The following TENM3 variants were observed in gnomAD, a reference collection of about 807,000 sequenced individuals.
The protein encoded by TENM3 is teneurin-3.
Under a neutral mutation model 255.1 loss-of-function variants are expected in TENM3, and 63 were observed. The ratio of observed to expected loss-of-function variants is 0.25; its 90% CI spans 0.20 to 0.30. The LOEUF (loss-of-function observed/expected upper bound fraction) is 0.30, where lower values mean the gene tolerates loss of function less well. Among genes scored for constraint, TENM3 ranks in the 10% least tolerant of loss-of-function variants. The probability of loss-of-function intolerance (pLI) is 1.00; values close to 1 mark genes in which losing one functional copy is unlikely to be tolerated. For synonymous variants in TENM3, 1,306 were observed against 1,322.3 expected (o/e 0.99, Z 0.27); for missense variants, 2,929 against 3,461.1 (o/e 0.85, Z 3.86).
chr4:182,470,255 A>AAGGC (rs1434565023), intron 3 of TENM3, among the ~76,000 whole-genome samples: 28 of 152,240 alleles, frequency 1.8e-4, no homozygotes, highest in African/African-American at 6.8e-4. Context: ...TAAACAGAGA[A>AAGGC]AGGCAACCCC....
the TENM3 span, among the ~76,000 whole-genome samples, chr4:181,789,842 C>G: frequency 6.6e-6 from 1 of 152,086 alleles, no homozygotes; most frequent in Admixed American, 6.5e-5. Flanking sequence ...GGATGGCATG[C>G]CACCCCCTCC....
chr4:182,307,277 G>A (rs981295047), intron 1 of TENM3, among the ~76,000 whole-genome samples: 2 of 152,136 alleles, frequency 1.3e-5, no homozygotes, highest in Non-Finnish European at 2.9e-5. Context: ...GTCTCAGTCC[G>A]GTTCATGGGT....
At chr4:181,631,483 G>T in the TENM3 span, among the ~76,000 whole-genome samples, 1 of 152,020 alleles carries the variant, frequency 6.6e-6, no homozygotes, top group African/African-American at 2.4e-5. Context: ...GTAGAGGCAG[G>T]GTTTCACCAT....
chr4:182,248,546 G>A lies in TENM3; in HGVS notation c.-76+5070G>A, dbSNP rs188262238. ...AGATCTAGTAAGTTGGGTAATTTAA[G>A]TAGATGGTTAAATATACTCAGTACC... On this transcript the variant is annotated intron_variant, in intron 1 of 27. Transcript: ENST00000511685. Among the ~76,000 whole-genome samples, 6 of 152,314 alleles carry A rather than the reference G, an allele frequency of 3.9e-5. No homozygotes were observed. In the East Asian group the frequency reaches 9.6e-4, roughly 24 times the overall value.
chr4:181,571,758 C>T, the TENM3 span, among the ~76,000 whole-genome samples: 1 of 152,060 alleles, frequency 6.6e-6, no homozygotes, highest in Non-Finnish European at 1.5e-5. Context: ...ATCAGCTGTT[C>T]CCTCTAACAC....
intron 2 of TENM3, among the ~76,000 whole-genome samples, chr4:182,328,565 G>A (rs1006069141): frequency 5.3e-5 from 8 of 151,994 alleles, no homozygotes; most frequent in African/African-American, 1.2e-4. Flanking sequence ...ATGTTTGTAC[G>A]TTACTGAAAT....
rs1402989327 is a variant in TENM3 at position 182,324,060 on chromosome 4, A to G, written c.40A>G (p.Lys14Glu). The G allele has an allele frequency of 6.2e-7, 1 of 1,613,984 alleles. No homozygotes were observed. The highest frequency in any genetic ancestry group is 2.2e-5 in the East Asian group (1 of 44,854). The change falls in exon 2 of 28, where the codon AAG (lysine) becomes GAG (glutamate). Residue 14 changes from lysine to glutamate, a missense_variant. Coordinates refer to ENST00000511685, the MANE Select transcript of TENM3 (RefSeq NM_001080477.4). ...KERRPYCSLT[K>E]SRREKERRYT... is the part of the protein sequence containing the mutation. ...ACGCAGGCCTTACTGCTCCCTGACCAAGAGCAGACGAGAGAAGGAACGGCG... is the reference window on the plus strand; with the variant it reads ...ACGCAGGCCTTACTGCTCCCTGACCGAGAGCAGACGAGAGAAGGAACGGCG...
chr4:182,784,495 T>A (rs972109613), intron 24 of TENM3, among the ~76,000 whole-genome samples: 1 of 151,544 alleles, frequency 6.6e-6, no homozygotes, highest in African/African-American at 2.4e-5. Context: ...CAGAGGTTAC[T>A]GCTGTCTTTT....
At chr4:182,215,471 T>C (rs1272748906) in intron 1 of TENM3, among the ~76,000 whole-genome samples, 1 of 152,164 alleles carries the variant, frequency 6.6e-6, no homozygotes, top group Non-Finnish European at 1.5e-5. Context: ...AAAAGGGTAC[T>C]GTTTTCAACT....
At chr4:182,034,872 C>A in the TENM3 span, among the ~76,000 whole-genome samples, 1 of 152,050 alleles carries the variant, frequency 6.6e-6, no homozygotes, top group Non-Finnish European at 1.5e-5. Context: ...TGGGGTTGAT[C>A]TTCTCATGGA....
At chr4:181,890,682 T>C in the TENM3 span, among the ~76,000 whole-genome samples, 1 of 152,130 alleles carries the variant, frequency 6.6e-6, no homozygotes, top group Non-Finnish European at 1.5e-5. Context: ...AAGTGTCTAT[T>C]ATACAGCAAG....
chr4:182,773,687 A>G, intron 23 of TENM3, 40 bp downstream of exon 23: 3 of 1,572,212 alleles, frequency 1.9e-6, no homozygotes, highest in Non-Finnish European at 1.7e-6. Context: ...TACCACCAGC[A>G]CCCAGACAGA....
the TENM3 span, among the ~76,000 whole-genome samples, chr4:182,034,640 G>A: frequency 3.3e-5 from 5 of 152,078 alleles, no homozygotes; most frequent in Non-Finnish European, 5.9e-5. Context: ...CTTTGCTTAC[G>A]AAGCTTAGTT....
chr4:181,664,179 A>G, the TENM3 span, among the ~76,000 whole-genome samples: 3 of 152,100 alleles, frequency 2.0e-5, no homozygotes, highest in African/African-American at 4.8e-5. Flanking sequence ...TAAGAATGGA[A>G]CCTACTGGCT....
intron 4 of TENM3, among the ~76,000 whole-genome samples, chr4:182,616,574 T>G (rs984874869): frequency 3.2e-4 from 24 of 74,024 alleles, no homozygotes; most frequent in Non-Finnish European, 5.4e-4. Flanking sequence ...GCTAACACAG[T>G]GAAAAAAAAA....
At chr4:182,074,166 G>A in the TENM3 span, among the ~76,000 whole-genome samples, 14,830 of 152,046 alleles carry the variant, frequency 0.098, 911 homozygotes, top group African/African-American at 0.17. Flanking sequence ...CATTTTCCTC[G>A]AAACATAAAA....
chr4:182,046,631 G>A, the TENM3 span, among the ~76,000 whole-genome samples: 1 of 152,056 alleles, frequency 6.6e-6, no homozygotes, highest in African/African-American at 2.4e-5. Context: ...TCGAGAGGCT[G>A]AGGCAGGAGG....
chr4:182,382,198 T>C (rs901848355), intron 3 of TENM3, among the ~76,000 whole-genome samples: 1 of 152,176 alleles, frequency 6.6e-6, no homozygotes, highest in Non-Finnish European at 1.5e-5. Context: ...GAAATCTGAA[T>C]TGGCTCTGTT....
the TENM3 span, among the ~76,000 whole-genome samples, chr4:181,930,231 G>T: frequency 4.3e-4 from 66 of 152,222 alleles, no homozygotes; most frequent in South Asian, 0.013. Context: ...TCCAGGAGCT[G>T]GTTTTTTGAA....
Sources: gnomAD v4.1 joint callset for allele counts (sites outside exome capture counted in the v4.1 genomes callset) on GRCh38, gnomAD v4.1.1 for gene constraint, MANE v1.5 for transcripts, NCBI Gene and HGNC (gene_info 2026-07-23, HGNC 2026-07-21) for gene names.